Variants in LSAMP observed in about 807,000 individuals in gnomAD.
LSAMP encodes the protein limbic system associated membrane protein, also known as limbic system-associated membrane protein.
LSAMP carries 7 observed loss-of-function variants against 38.6 expected under a neutral mutation model. The ratio of observed to expected loss-of-function variants is 0.18; its 90% CI spans 0.10 to 0.34. The LOEUF is 0.34. LSAMP is among the 10% of genes least tolerant of loss of function. LSAMP has a pLI of 1.00. For synonymous variants in LSAMP, 154 were observed against 166.8 expected, an observed-to-expected ratio of 0.92 and a Z score of 0.59; for missense variants, 313 against 420.0, an observed-to-expected ratio of 0.75 and a Z score of 2.23.
intron 3 of LSAMP, among the ~76,000 whole-genome samples, chr3:115,970,156 A>G (rs988301150): frequency 6.6e-6 from 1 of 152,170 alleles, no homozygotes; most frequent in Non-Finnish European, 1.5e-5. Flanking sequence ...AAGAATCGGG[A>G]GAATGAACAG....
chr3:116,136,239 ATTC>A (rs1340077649), intron 1 of LSAMP, among the ~76,000 whole-genome samples: 2 of 152,158 alleles, frequency 1.3e-5, no homozygotes, highest in African/African-American at 4.8e-5. Flanking sequence ...TTACAAAGGT[ATTC>A]ATTCAGTCAG....
intron 2 of LSAMP, among the ~76,000 whole-genome samples, chr3:116,052,983 T>C (rs1390796898): frequency 6.6e-6 from 1 of 152,212 alleles, no homozygotes; most frequent in Non-Finnish European, 1.5e-5. Flanking sequence ...TATTTATAAG[T>C]CAGCCTGCTC....
intron 1 of LSAMP, among the ~76,000 whole-genome samples, chr3:116,138,685 C>T (rs1709306503): frequency 6.6e-6 from 1 of 151,978 alleles, no homozygotes; most frequent in Admixed American, 6.6e-5. Context: ...AGATAAAACA[C>T]TTTCAGAAGC....
intron 1 of LSAMP, among the ~76,000 whole-genome samples, chr3:116,148,211 AAGAAC>A (rs1017827028): frequency 4.0e-5 from 6 of 150,844 alleles, no homozygotes; most frequent in Non-Finnish European, 7.4e-5. Context: ...AGAAGGAAGA[AAGAAC>A]AGAGGATTTT....
chr3:115,912,290 C>T (rs1937152681), intron 3 of LSAMP, among the ~76,000 whole-genome samples: 1 of 152,152 alleles, frequency 6.6e-6, no homozygotes, highest in African/African-American at 2.4e-5. Context: ...ACATTTAAGT[C>T]TGTGATTCAT....
At chr3:115,879,038 C>T (rs1430552104) in intron 3 of LSAMP, among the ~76,000 whole-genome samples, 2 of 152,104 alleles carry the variant, frequency 1.3e-5, no homozygotes, top group Non-Finnish European at 2.9e-5. Context: ...AGTTACATGA[C>T]AGCAAATTTA....
intron 3 of LSAMP, among the ~76,000 whole-genome samples, chr3:116,003,114 C>G (rs551117143): frequency 6.6e-6 from 1 of 152,194 alleles, no homozygotes; most frequent in South Asian, 2.1e-4. Context: ...TATCTCTTTA[C>G]GGTGTGCAAC....
intron 1 of LSAMP, among the ~76,000 whole-genome samples, chr3:116,210,863 C>T (rs751591776): frequency 2.0e-4 from 30 of 152,046 alleles, no homozygotes; most frequent in African/African-American, 4.6e-4. Flanking sequence ...ATCAGTGTGT[C>T]GAAGAGATAT....
intron 3 of LSAMP, among the ~76,000 whole-genome samples, chr3:115,889,200 C>T (rs1179505584): frequency 2.0e-5 from 3 of 151,916 alleles, no homozygotes; most frequent in Non-Finnish European, 4.4e-5. Flanking sequence ...TGTTTAAAAA[C>T]TGGATATGAA....
At chr3:116,107,702 G>A (rs917033599) in intron 1 of LSAMP, among the ~76,000 whole-genome samples, 14 of 152,320 alleles carry the variant, frequency 9.2e-5, no homozygotes, top group Non-Finnish European at 1.6e-4. Flanking sequence ...GTACAGCCCA[G>A]GTAATTTGCT....
chr3:116,322,538 A>C (rs1393739941), intron 1 of LSAMP, among the ~76,000 whole-genome samples: 1 of 152,168 alleles, frequency 6.6e-6, no homozygotes, highest in Non-Finnish European at 1.5e-5. Flanking sequence ...AACATTGAGA[A>C]TGTTTATTTT....
chr3:116,188,297 AC>A (rs1559775626), intron 1 of LSAMP, among the ~76,000 whole-genome samples: 2 of 151,812 alleles, frequency 1.3e-5, no homozygotes, highest in East Asian at 1.9e-4. Flanking sequence ...TTCCAGGGAG[AC>A]CCCCCAGGAA....
intron 4 of LSAMP, among the ~76,000 whole-genome samples, chr3:115,847,942 G>A (rs974839717): frequency 6.6e-6 from 1 of 152,158 alleles, no homozygotes; most frequent in African/African-American, 2.4e-5. Context: ...TACTCTGAAG[G>A]TACTTAGAAA....
chr3:116,164,479 C>T lies in LSAMP; in HGVS notation c.156-77923G>A, dbSNP rs1232386674. On this transcript the variant is annotated intron_variant, in intron 1 of 6. Transcript: ENST00000490035. ...GGCAAAAACCACAAGTACGTTTGCACCAACCTAAACAGACGAAGATAAGAG... is the reference window on the plus strand; with the variant it reads ...GGCAAAAACCACAAGTACGTTTGCATCAACCTAAACAGACGAAGATAAGAG... 2.0e-5 allele frequency among the ~76,000 whole-genome samples: 3 copies of T among 148,486 alleles called. No individual in the cohort carries two copies. In the Admixed American group the frequency reaches 2.0e-4, roughly 10 times the overall value.
chr3:116,037,584 TCA>T (rs1941074589), intron 2 of LSAMP, among the ~76,000 whole-genome samples: 1 of 152,104 alleles, frequency 6.6e-6, no homozygotes, highest in Admixed American at 6.6e-5. Flanking sequence ...ATTAACTAAA[TCA>T]TTTAGGGAAA....
chr3:116,320,720 T>C (rs1295733819), intron 1 of LSAMP, among the ~76,000 whole-genome samples: 1 of 152,184 alleles, frequency 6.6e-6, no homozygotes, highest in Admixed American at 6.5e-5. Flanking sequence ...GACTTAATTT[T>C]TCTCTCCCTC....
intron 2 of LSAMP, among the ~76,000 whole-genome samples, chr3:116,021,348 A>G (rs150734200): frequency 1.3e-5 from 2 of 152,256 alleles, no homozygotes; most frequent in Non-Finnish European, 2.9e-5. Context: ...GAGAAAAATG[A>G]TGGCTTGTTA....
intron 3 of LSAMP, among the ~76,000 whole-genome samples, chr3:116,017,236 T>C (rs1230508201): frequency 6.6e-6 from 1 of 152,144 alleles, no homozygotes; most frequent in East Asian, 1.9e-4. Context: ...TATCTTTAAG[T>C]TCAGTTCAGC....
intron 1 of LSAMP, among the ~76,000 whole-genome samples, chr3:116,320,744 C>A (rs2047696571): frequency 6.6e-6 from 1 of 152,162 alleles, no homozygotes; most frequent in Non-Finnish European, 1.5e-5. Flanking sequence ...CCATTTATAG[C>A]CCAAACCCCA....
Sources: allele counts gnomAD v4.1 joint callset (sites outside exome capture counted in the v4.1 genomes callset), GRCh38; gene constraint gnomAD v4.1.1; transcripts MANE v1.5; gene names NCBI Gene and HGNC (gene_info 2026-07-23, HGNC 2026-07-21).